COL6A2: variants seen among roughly 807,000 people sequenced by gnomAD.
The protein encoded by COL6A2 is collagen alpha-2(VI) chain.
COL6A2 carries 90 observed loss-of-function variants against 124.9 expected under a neutral mutation model. The observed-to-expected ratio is 0.72, with a 90% CI of 0.61 to 0.86. The LOEUF (loss-of-function observed/expected upper bound fraction) is 0.86. COL6A2 is among the 40% of genes least tolerant of loss of function. The pLI, the probability that COL6A2 is intolerant of heterozygous loss-of-function variation, is 0.00. For synonymous variants in COL6A2, 793 were observed against 618.2 expected (o/e 1.28, Z -4.19); for missense variants, 1,607 against 1,502.5 (o/e 1.07, Z -1.15).
At chr21:46,109,951 C>G (rs1362197623) in intron 1 of COL6A2, among the ~76,000 whole-genome samples, 6 of 152,226 alleles carry the variant, frequency 3.9e-5, no homozygotes, top group African/African-American at 1.4e-4. Flanking sequence ...AGATCCACAG[C>G]CACGACTTGG....
Position 46,116,579 on chromosome 21 carries a change from C to G in COL6A2, c.928-72C>G. The G allele has an allele frequency of 6.2e-7, 1 of 1,605,606 alleles. No homozygotes were observed. Among genetic ancestry groups the G allele is most frequent in the Non-Finnish European group, 8.5e-7 (1 of 1,174,344 alleles). On this transcript the variant is annotated intron_variant, in intron 8 of 27. Coordinates refer to ENST00000300527, the MANE Select transcript of COL6A2 (RefSeq NM_001849.4). The surrounding 1 kb of genome is among the most constrained non-coding windows in gnomAD (Gnocchi z 4.6). ...CCTTGAGTTTGGCCCAAGGGCTTTG[C>G]CCCCCAGAGGCAGCAGTGCCCATGA... is the stretch of plus-strand genomic sequence containing the variant.
At chr21:46,122,300 A>G in intron 19 of COL6A2, 142 bp downstream of exon 19, 1 of 1,228,820 alleles carries the variant, frequency 8.1e-7, no homozygotes, top group Non-Finnish European at 1.2e-6. Context: ...AGTGGTGAGA[A>G]GGCTTCGGGT....
intron 14 of COL6A2, 76 bp from the exon 15 acceptor site, chr21:46,119,712 G>A (rs529083363): frequency 9.3e-5 from 128 of 1,376,644 alleles, no homozygotes; most frequent in Admixed American, 3.6e-4. Context: ...CATCGGCCCC[G>A]GCACAGCCCC....
intron 1 of COL6A2, among the ~76,000 whole-genome samples, chr21:46,106,432 G>A (rs955116779): frequency 6.6e-6 from 1 of 152,204 alleles, no homozygotes; most frequent in African/African-American, 2.4e-5. Context: ...TCATCTGTTG[G>A]AGTGGGGATG....
chr21:46,125,727 C>T, intron 25 of COL6A2, 58 bp from the exon 26 acceptor site: 1 of 1,601,020 alleles, frequency 6.2e-7, no homozygotes, highest in Non-Finnish European at 8.5e-7. Context: ...CTCTGCATGG[C>T]TGGGGATGCC....
intron 1 of COL6A2, among the ~76,000 whole-genome samples, chr21:46,102,234 T>C (rs2078295716): frequency 6.6e-6 from 1 of 152,216 alleles, no homozygotes; most frequent in South Asian, 2.1e-4. Context: ...GATTTTTATG[T>C]GTTTACTATG....
chr21:46,125,336 C>T (rs775735042), intron 24 of COL6A2, 25 bp downstream of exon 24: 25 of 1,606,714 alleles, frequency 1.6e-5, no homozygotes, highest in South Asian at 3.3e-5. Flanking sequence ...ACGGCAGGGT[C>T]GGGGCCCATG....
chr21:46,118,218 C>T (rs1194463556), intron 12 of COL6A2, among the ~76,000 whole-genome samples: 1 of 152,124 alleles, frequency 6.6e-6, no homozygotes, highest in Non-Finnish European at 1.5e-5. Context: ...CCTCCTGGAG[C>T]TCCCCATGGG....
intron 19 of COL6A2, 131 bp from the exon 20 acceptor site, chr21:46,122,365 C>A: frequency 1.5e-6 from 2 of 1,347,822 alleles, no homozygotes; most frequent in Admixed American, 1.7e-5. Context: ...CAGCTCAGAA[C>A]GCAGCACAGT....
intron 27 of COL6A2, chr21:46,129,569 C>G (rs1458295580): frequency 6.8e-6 from 10 of 1,461,806 alleles, no homozygotes; most frequent in Non-Finnish European, 9.0e-6. Flanking sequence ...CAGGCTGGCT[C>G]TCAGTGGAGG....
At position 46,112,394 on chromosome 21, in the gene COL6A2, C is replaced by G; in HGVS notation, c.531C>G (p.Ala177=). 1 of 1,607,634 alleles carries G rather than the reference C, an allele frequency of 6.2e-7. No individual in the cohort carries two copies. Among genetic ancestry groups the G allele is most frequent in the Non-Finnish European group, 8.5e-7 (1 of 1,178,686 alleles). ...GSPCGGIKLQ[A]ERAREEGIRL... is the part of the protein sequence containing the mutation. ...CCTGCGGGGGCATCAAGCTGCAGGC[C>G]GAGCGGGCCCGCGAGGAGGGCATCC... The change falls in exon 3 of 28, where the codon GCC becomes GCG. Residue 177 remains alanine (A), a synonymous_variant. Transcript: ENST00000300527.
chr21:46,108,856 C>A (rs146490185), intron 1 of COL6A2, among the ~76,000 whole-genome samples: 2 of 152,128 alleles, frequency 1.3e-5, no homozygotes, highest in East Asian at 3.9e-4. Context: ...TGGCCAGTGG[C>A]GCCTTTGCCC....
intron 19 of COL6A2, 94 bp downstream of exon 19, chr21:46,122,252 T>G (rs567012876): frequency 3.0e-5 from 43 of 1,432,616 alleles, no homozygotes; most frequent in East Asian, 4.8e-5. Flanking sequence ...AGGCCTCCTC[T>G]GTGCAGAAGA....
chr21:46,118,015 A>G, intron 12 of COL6A2, 79 bp downstream of exon 12: 1 of 1,389,500 alleles, frequency 7.2e-7, no homozygotes, highest in Middle Eastern at 1.8e-4. Flanking sequence ...CCAGCTGAGA[A>G]GCTGAGCAGA....
At chr21:46,127,762 G>A (rs1353120519) in intron 27 of COL6A2, among the ~76,000 whole-genome samples, 1 of 152,148 alleles carries the variant, frequency 6.6e-6, no homozygotes, top group Non-Finnish European at 1.5e-5. Flanking sequence ...TCCAGTGTGA[G>A]TGGCCGCTAT....
At position 46,116,243 on chromosome 21, in the gene COL6A2, C is replaced by G. The variant is rs1003474391; in HGVS notation, c.901-134C>G. 7.4e-6 allele frequency: 9 copies of G among 1,211,470 alleles called. No homozygotes were observed. Among genetic ancestry groups the G allele is most frequent in the Non-Finnish European group, 1.1e-5 (9 of 841,604 alleles). The allele number at this position is 1,211,470 out of a possible 1,614,324, so 75.0% of individuals were successfully genotyped here. A position where few individuals can be genotyped will look rare whatever the true frequency, so the allele number is the denominator to read the frequency against. On this transcript the variant is annotated intron_variant, in intron 7 of 27. Coordinates refer to ENST00000300527, the MANE Select transcript of COL6A2 (RefSeq NM_001849.4). This position sits in a 1 kb window ranked among gnomAD's most constrained non-coding sequence, Gnocchi z 4.6. Reference sequence around the variant, plus strand: ...AGCCCGACCCAGGGCTCAGCCTCCTCCGCAGACTGTTTGTCGAGAACACTA... The same window carrying G: ...AGCCCGACCCAGGGCTCAGCCTCCTGCGCAGACTGTTTGTCGAGAACACTA...
rs1568935192 is a variant in COL6A2 at position 46,122,168 on chromosome 21, A to T, written c.1572+10A>T. 1 of 1,612,342 alleles carries T rather than the reference A, an allele frequency of 6.2e-7. No individual in the cohort carries two copies. The highest frequency in any genetic ancestry group is 2.2e-5 in the East Asian group (1 of 44,876). On this transcript the variant is annotated intron_variant, in intron 19 of 27. Coordinates refer to ENST00000300527, the MANE Select transcript of COL6A2 (RefSeq NM_001849.4). ...ACCCCGAGGAGCACCCGTGAGTCAC[A>T]GCCTGGGATGGCAGCTCCCAGGAGT... is the stretch of plus-strand genomic sequence containing the variant.
intron 27 of COL6A2, among the ~76,000 whole-genome samples, chr21:46,127,128 T>C (rs2123670249): frequency 6.6e-6 from 1 of 152,090 alleles, no homozygotes; most frequent in East Asian, 2.0e-4. Flanking sequence ...CATGGTGCAC[T>C]GCTGCACCGT....
chr21:46,124,453 G>A (rs553447893), intron 21 of COL6A2, among the ~76,000 whole-genome samples, 198 bp from the exon 22 acceptor site: 54 of 152,036 alleles, frequency 3.6e-4, no homozygotes, highest in Non-Finnish European at 2.2e-4. Context: ...AGGCTCTGAC[G>A]GTGGCCACTC....
Sources: allele counts gnomAD v4.1 joint callset (sites outside exome capture counted in the v4.1 genomes callset), GRCh38; gene constraint gnomAD v4.1.1; non-coding constraint Gnocchi (gnomAD v3.1); transcripts MANE v1.5; gene names NCBI Gene and HGNC (gene_info 2026-07-23, HGNC 2026-07-21).